Variants in EPAS1 observed in about 807,000 individuals in gnomAD.
The protein encoded by EPAS1 is endothelial PAS domain protein 1, also known as endothelial PAS domain-containing protein 1.
Under a neutral mutation model 87.9 loss-of-function variants are expected in EPAS1, and 23 were observed. The ratio of observed to expected loss-of-function variants is 0.26; its 90% CI spans 0.19 to 0.37. The LOEUF (loss-of-function observed/expected upper bound fraction) is 0.37, where lower values mean the gene tolerates loss of function less well. Among genes scored for constraint, EPAS1 ranks in the 10% least tolerant of loss-of-function variants. The pLI, the probability that EPAS1 is intolerant of heterozygous loss-of-function variation, is 1.00. For missense variants in EPAS1, 1,138 were observed against 1,120.7 expected (o/e 1.02, Z -0.22); for synonymous variants, 508 against 444.3 (o/e 1.14, Z -1.80).
chr2:46,343,353 A>G (rs1185583285), intron 1 of EPAS1, among the ~76,000 whole-genome samples: 1 of 152,212 alleles, frequency 6.6e-6, no homozygotes, highest in Non-Finnish European at 1.5e-5. Context: ...CCTTCTTCCC[A>G]AAGTATGTGT....
chr2:46,338,624 G>A (rs1162723193), intron 1 of EPAS1, among the ~76,000 whole-genome samples: 1 of 152,236 alleles, frequency 6.6e-6, no homozygotes, highest in African/African-American at 2.4e-5. Context: ...TCATCAGCAA[G>A]GGTGGCCCTC....
chr2:46,311,281 C>T (rs917372202), intron 1 of EPAS1, among the ~76,000 whole-genome samples: 9 of 152,124 alleles, frequency 5.9e-5, no homozygotes, highest in African/African-American at 2.2e-4. Flanking sequence ...TTCAATGACT[C>T]GCTCCACAGT....
chr2:46,380,042 G>T lies in EPAS1; in HGVS notation c.1555-185G>T. ...GGGGGAAGGCTGGTACATGATACAA[G>T]GTCGTGTACATGACACAGCCAAGTC... On this transcript the variant is annotated intron_variant, in intron 11 of 15. Coordinates refer to ENST00000263734, the MANE Select transcript of EPAS1 (RefSeq NM_001430.5). The surrounding 1 kb of genome is among the most constrained non-coding windows in gnomAD (Gnocchi z 4.4). The T allele has an allele frequency of 1.2e-6, 1 of 855,214 alleles. No homozygotes were observed. The highest frequency in any genetic ancestry group is 1.9e-6 in the Non-Finnish European group (1 of 515,330). The allele number at this position is 855,214 out of a possible 1,614,324, so 53.0% of individuals were successfully genotyped here. A position where few individuals can be genotyped will look rare whatever the true frequency, so the allele number is the denominator to read the frequency against.
At chr2:46,362,648 GA>G in intron 6 of EPAS1, among the ~76,000 whole-genome samples, 1 of 152,258 alleles carries the variant, frequency 6.6e-6, no homozygotes, top group East Asian at 1.9e-4. Context: ...TTCTTCATGG[GA>G]GGGACCCTCC....
intron 2 of EPAS1, among the ~76,000 whole-genome samples, chr2:46,351,039 C>T (rs1572633140): frequency 6.6e-6 from 1 of 152,300 alleles, no homozygotes; most frequent in East Asian, 1.9e-4. Flanking sequence ...CTGGTACCCT[C>T]TCACACCCCA....
chr2:46,328,563 C>A (rs1281405282), intron 1 of EPAS1, among the ~76,000 whole-genome samples: 1 of 152,190 alleles, frequency 6.6e-6, no homozygotes, highest in Non-Finnish European at 1.5e-5. Context: ...GAGCAGCAGA[C>A]CACAAACCTT....
At chr2:46,317,384 C>T (rs1024291390) in intron 1 of EPAS1, among the ~76,000 whole-genome samples, 12 of 152,184 alleles carry the variant, frequency 7.9e-5, no homozygotes, top group African/African-American at 2.4e-5. Context: ...CCATGGGCTT[C>T]AGAATGGATC....
intron 1 of EPAS1, among the ~76,000 whole-genome samples, chr2:46,298,224 C>T (rs1024442032): frequency 6.6e-6 from 1 of 152,152 alleles, no homozygotes; most frequent in Non-Finnish European, 1.5e-5. Flanking sequence ...TTCCGCGGTG[C>T]CTTTGAAAAT....
At chr2:46,358,648 A>G (rs759854733) in intron 4 of EPAS1, among the ~76,000 whole-genome samples, 14 of 152,218 alleles carry the variant, frequency 9.2e-5, no homozygotes, top group Non-Finnish European at 2.1e-4. Flanking sequence ...TCAGTTCTCA[A>G]GTGCCATGAT....
In EPAS1 at chr2:46,384,525, G is replaced by A. The variant is rs1032417110; in HGVS notation, c.2478G>A (p.Leu826=). 1.9e-6 allele frequency: 3 copies of A among 1,614,122 alleles called. No individual in the cohort carries two copies. Among genetic ancestry groups the A allele is most frequent in the Non-Finnish European group, 2.5e-6 (3 of 1,180,056 alleles). ...TTCTTTCAGGCATGGCAAGCCGGCT[G>A]CTCGGGCCCTCATTTGAGTCCTACC... ...AHKVSGMASR[L]LGPSFESYLL... Residue 826 remains leucine (L), a synonymous_variant, in exon 16 of 16, where the codon CTG becomes CTA. Transcript: ENST00000263734.
intron 1 of EPAS1, among the ~76,000 whole-genome samples, chr2:46,316,028 G>T (rs973091222): frequency 1.3e-5 from 2 of 152,168 alleles, no homozygotes; most frequent in African/African-American, 2.4e-5. Flanking sequence ...CCATCACCCA[G>T]AGATAACCAC....
At chr2:46,324,289 G>A (rs551954667) in intron 1 of EPAS1, among the ~76,000 whole-genome samples, 2 of 152,224 alleles carry the variant, frequency 1.3e-5, no homozygotes, top group South Asian at 2.1e-4. Context: ...GGATGGTCTC[G>A]ATCTTCTGAC....
intron 1 of EPAS1, among the ~76,000 whole-genome samples, chr2:46,309,866 G>A (rs1683177845): frequency 6.6e-6 from 1 of 152,160 alleles, no homozygotes; most frequent in Non-Finnish European, 1.5e-5. Context: ...AGCAGTGCAT[G>A]CCTCTTCTGG....
chr2:46,341,548 A>G (rs769417569), intron 1 of EPAS1, among the ~76,000 whole-genome samples: 4 of 152,226 alleles, frequency 2.6e-5, no homozygotes, highest in South Asian at 4.1e-4. Context: ...CCTATTAGCC[A>G]TAGCATCTGG....
intron 6 of EPAS1, among the ~76,000 whole-genome samples, chr2:46,363,017 G>GTGGTGGTGGTGGTGATGATGATGA (rs1410002978): frequency 1.4e-5 from 2 of 144,278 alleles, no homozygotes; most frequent in African/African-American, 5.2e-5. Context: ...GGTGGTGGTG[G>GTGGTGGTGGTGGTGATGATGATGA]TGATAATGAT....
intron 6 of EPAS1, among the ~76,000 whole-genome samples, chr2:46,362,303 T>TA (rs769877296): frequency 8.5e-5 from 13 of 152,198 alleles, no homozygotes; most frequent in Non-Finnish European, 1.5e-4. Context: ...GGGGTCACTG[T>TA]AAAATGAGAT....
chr2:46,353,268 G>T (rs1043126598), intron 2 of EPAS1, among the ~76,000 whole-genome samples: 5 of 152,186 alleles, frequency 3.3e-5, no homozygotes, highest in Non-Finnish European at 7.3e-5. Context: ...TGAGGCCATA[G>T]CTCTCAGCAT....
chr2:46,331,213 C>T (rs952987233), intron 1 of EPAS1, among the ~76,000 whole-genome samples: 2 of 152,354 alleles, frequency 1.3e-5, no homozygotes, highest in East Asian at 1.9e-4. Context: ...ATGGCACATG[C>T]GCTTGGCCTG....
At chr2:46,369,548 C>T (rs894914591) in intron 6 of EPAS1, among the ~76,000 whole-genome samples, 4 of 152,108 alleles carry the variant, frequency 2.6e-5, no homozygotes, top group Admixed American at 1.3e-4. Context: ...TATGTGTGTA[C>T]CGGGGTGGTG....
Sources: gnomAD v4.1 joint callset for allele counts (sites outside exome capture counted in the v4.1 genomes callset) on GRCh38, gnomAD v4.1.1 for gene constraint, Gnocchi (gnomAD v3.1) non-coding constraint, MANE v1.5 for transcripts, NCBI Gene and HGNC (gene_info 2026-07-23, HGNC 2026-07-21) for gene names.